MTUS2: variants seen among roughly 807,000 people sequenced by gnomAD.
MTUS2 encodes microtubule-associated tumor suppressor candidate 2.
A neutral mutation model predicts 114.1 loss-of-function variants in MTUS2; 40 were observed. That is an observed-to-expected ratio of 0.35 (90% confidence interval 0.27 to 0.46). The LOEUF is 0.46. MTUS2 is among the 20% of genes least tolerant of loss of function. The pLI is 1.00. For synonymous variants in MTUS2, 688 were observed against 672.0 expected, an observed-to-expected ratio of 1.02 and a Z score of -0.37; for missense variants, 1,679 against 1,705.4, an observed-to-expected ratio of 0.98 and a Z score of 0.27.
chr13:29,001,501 G>C (rs538188565), intron 2 of MTUS2, among the ~76,000 whole-genome samples: 1 of 152,338 alleles, frequency 6.6e-6, no homozygotes, highest in South Asian at 2.1e-4. Flanking sequence ...ATGGAAGGAT[G>C]AGCTTGACAT....
chr13:28,995,331 T>C (rs1037667317), intron 2 of MTUS2, among the ~76,000 whole-genome samples: 2,695 of 152,198 alleles, frequency 0.018, 77 homozygotes, highest in African/African-American at 0.06. Flanking sequence ...AGTCAGGTAG[T>C]GTGATGCCTC....
At chr13:29,468,184 C>A (rs1212599567) in intron 9 of MTUS2, among the ~76,000 whole-genome samples, 7 of 152,112 alleles carry the variant, frequency 4.6e-5, no homozygotes, top group Non-Finnish European at 1.0e-4. Flanking sequence ...TAAAAAAGAG[C>A]TTTAAACTAA....
rs1566174035 is a variant in MTUS2 at position 29,389,723 on chromosome 13, AC to A, written c.3117+30251del. On this transcript the variant is annotated intron_variant, in intron 8 of 15. Coordinates refer to ENST00000612955, the MANE Select transcript of MTUS2 (RefSeq NM_001033602.4). The stretch of plus-strand genomic sequence containing the variant: ...TATATGTGTATATGTATATATACAT[AC>A]ATATGTGTGTATATGTATATACATA... Among the ~76,000 whole-genome samples the A allele has an allele frequency of 1.6e-4, 17 of 106,076 alleles. 1 individual carries two copies. The highest frequency in any genetic ancestry group is 5.9e-4 in the African/African-American group (17 of 28,862). 69.6% of individuals were successfully genotyped at this position (106,076 alleles called of 152,430 possible).
intron 2 of MTUS2, among the ~76,000 whole-genome samples, chr13:28,954,471 G>A (rs546070830): frequency 6.6e-6 from 1 of 152,296 alleles, no homozygotes; most frequent in Non-Finnish European, 1.5e-5. Flanking sequence ...TGCACACGGG[G>A]CATTTCCTAA....
intron 2 of MTUS2, among the ~76,000 whole-genome samples, chr13:29,000,083 G>C (rs1885314634): frequency 6.6e-6 from 1 of 152,184 alleles, no homozygotes; most frequent in Admixed American, 6.5e-5. Flanking sequence ...CAGTAAACTT[G>C]GGAGAGTAGA....
chr13:29,184,313 A>C (rs1894130366), intron 5 of MTUS2, among the ~76,000 whole-genome samples: 1 of 152,096 alleles, frequency 6.6e-6, no homozygotes, highest in Non-Finnish European at 1.5e-5. Context: ...CTCACCTTCC[A>C]AAGGCAGTCA....
chr13:29,197,693 C>T (rs1383852616), intron 5 of MTUS2, among the ~76,000 whole-genome samples: 1 of 152,160 alleles, frequency 6.6e-6, no homozygotes, highest in Non-Finnish European at 1.5e-5. Context: ...AAAAGCGTTC[C>T]TACTTCTCCA....
chr13:29,176,367 G>A (rs1893771605), intron 5 of MTUS2, among the ~76,000 whole-genome samples: 1 of 152,094 alleles, frequency 6.6e-6, no homozygotes, highest in Non-Finnish European at 1.5e-5. Flanking sequence ...CCAGCTTAGT[G>A]TTTGGTTATC....
intron 8 of MTUS2, among the ~76,000 whole-genome samples, chr13:29,381,387 T>C (rs527649564): frequency 2.0e-4 from 31 of 152,334 alleles, no homozygotes; most frequent in African/African-American, 7.0e-4. Context: ...AGTTACAGTA[T>C]AGAAAATAAC....
chr13:28,879,298 G>T lies in MTUS2; in HGVS notation c.-243+39448G>T, dbSNP rs1281829924. Among the ~76,000 whole-genome samples, 3 of 152,104 alleles carry T rather than the reference G, an allele frequency of 2.0e-5. No homozygotes were observed. The East Asian group carries it at 5.8e-4, about 29-fold the overall frequency. ...TCACTCTGTTGATAGTTTCAAAAAA[G>T]AATATGTTTTCCTTAAGTGCCTGCT... On this transcript the variant is annotated intron_variant, in intron 2 of 15. Coordinates refer to ENST00000612955, the MANE Select transcript of MTUS2 (RefSeq NM_001033602.4).
intron 3 of MTUS2, among the ~76,000 whole-genome samples, chr13:29,031,529 GT>G (rs1343376980): frequency 6.6e-6 from 1 of 151,938 alleles, no homozygotes; most frequent in Admixed American, 6.6e-5. Flanking sequence ...TTAGGGTAGA[GT>G]TGGTGCTGCA....
intron 8 of MTUS2, among the ~76,000 whole-genome samples, chr13:29,389,164 G>T (rs1030573035): frequency 4.0e-5 from 6 of 148,850 alleles, no homozygotes; most frequent in African/African-American, 1.5e-4. Context: ...ACCAAAGATT[G>T]TTTTGACTAT....
intron 1 of MTUS2, among the ~76,000 whole-genome samples, chr13:28,821,497 C>T (rs1396348151): frequency 6.6e-6 from 1 of 152,170 alleles, no homozygotes; most frequent in South Asian, 2.1e-4. Flanking sequence ...AGATGTGTCT[C>T]TCTTTCCCTT....
chr13:29,119,699 C>T (rs1052616400), intron 5 of MTUS2, among the ~76,000 whole-genome samples: 1 of 152,184 alleles, frequency 6.6e-6, no homozygotes, highest in African/African-American at 2.4e-5. Context: ...AGAGCAAATT[C>T]AACCTCCTGT....
At chr13:29,365,659 G>A (rs1424224894) in intron 8 of MTUS2, among the ~76,000 whole-genome samples, 2 of 152,120 alleles carry the variant, frequency 1.3e-5, no homozygotes, top group African/African-American at 4.8e-5. Context: ...AACCTGGTCT[G>A]TAGTAAAAGT....
chr13:28,862,306 C>T (rs1877036915), intron 2 of MTUS2, among the ~76,000 whole-genome samples: 1 of 152,094 alleles, frequency 6.6e-6, no homozygotes, highest in African/African-American at 2.4e-5. Flanking sequence ...ATTAGAAAAG[C>T]CAGAAGAAAA....
chr13:29,426,128 A>G (rs1480168979), intron 8 of MTUS2, among the ~76,000 whole-genome samples: 4 of 152,152 alleles, frequency 2.6e-5, no homozygotes, highest in Admixed American at 6.5e-5. Flanking sequence ...CTCTGTCTTG[A>G]TTTAATCCAT....
intron 2 of MTUS2, among the ~76,000 whole-genome samples, chr13:28,982,337 GTTA>G (rs1884394808): frequency 7.3e-6 from 1 of 136,816 alleles, no homozygotes; most frequent in Non-Finnish European, 1.5e-5. Flanking sequence ...TATGAGGATG[GTTA>G]TTATTTAAAA....
chr13:29,210,352 T>A (rs902413439), intron 5 of MTUS2, among the ~76,000 whole-genome samples: 2 of 152,158 alleles, frequency 1.3e-5, no homozygotes, highest in Non-Finnish European at 2.9e-5. Flanking sequence ...TTGTTTTCTT[T>A]TAAGTTGGTA....
Sources: gnomAD v4.1 joint callset for allele counts (sites outside exome capture counted in the v4.1 genomes callset) on GRCh38, gnomAD v4.1.1 for gene constraint, MANE v1.5 for transcripts, NCBI Gene and HGNC (gene_info 2026-07-23, HGNC 2026-07-21) for gene names.